Variants in RTN1 observed in about 807,000 individuals in gnomAD.
RTN1 encodes reticulon 1.
In RTN1, 25 loss-of-function variants were observed where a neutral mutation model predicts 65.5. That is an observed-to-expected ratio of 0.38 (90% CI 0.28 to 0.53). The LOEUF is 0.53. Among genes scored for constraint, RTN1 ranks in the 20% least tolerant of loss-of-function variants. The pLI is 0.79. For synonymous variants in RTN1, 471 were observed against 447.6 expected (o/e 1.05, Z -0.66); for missense variants, 983 against 1,025.4 (o/e 0.96, Z 0.57).
chr14:59,655,694 A>C (rs1323198951), intron 3 of RTN1, among the ~76,000 whole-genome samples: 1 of 152,216 alleles, frequency 6.6e-6, no homozygotes, highest in Non-Finnish European at 1.5e-5. Flanking sequence ...CTGATTTTTA[A>C]CAAGGGTGCC....
intron 1 of RTN1, among the ~76,000 whole-genome samples, chr14:59,839,782 T>TTC (rs1431172294): frequency 1.3e-5 from 2 of 151,878 alleles, no homozygotes; most frequent in Non-Finnish European, 2.9e-5. Context: ...GTGTTTTTTT[T>TTC]TCTCTCTCTA....
At chr14:59,716,159 T>C (rs982649237) in intron 3 of RTN1, among the ~76,000 whole-genome samples, 2 of 152,220 alleles carry the variant, frequency 1.3e-5, no homozygotes, top group Non-Finnish European at 2.9e-5. Flanking sequence ...ATCTTAAATC[T>C]CCAAATTCTA....
chr14:59,870,689 C>T lies in RTN1; in HGVS notation c.-59G>A, dbSNP rs2139686090. 3 of 1,307,716 alleles carry T rather than the reference C, an allele frequency of 2.3e-6. No individual in the cohort carries two copies. Among genetic ancestry groups the T allele is most frequent in the Non-Finnish European group, 1.9e-6 (2 of 1,035,956 alleles). The allele number at this position is 1,307,716 out of a possible 1,614,324, so 81.0% of individuals were successfully genotyped here. A position where few individuals can be genotyped will look rare whatever the true frequency, so the allele number is the denominator to read the frequency against. On this transcript the variant is annotated 5_prime_UTR_variant, in exon 1 of 9. Coordinates refer to ENST00000267484, the MANE Select transcript of RTN1 (RefSeq NM_021136.3). This position sits in a 1 kb window ranked among gnomAD's most constrained non-coding sequence, Gnocchi z 5.1. Reference sequence around the variant, plus strand: ...TGGCTGGGCAGAGGCTCGGTGGCTGCGCGGGCGCTCCCTGCTGCTGTCCCC... The same window carrying T: ...TGGCTGGGCAGAGGCTCGGTGGCTGTGCGGGCGCTCCCTGCTGCTGTCCCC...
At position 59,727,481 on chromosome 14, in the gene RTN1, G is replaced by A. The variant is rs561042385; in HGVS notation, c.1203C>T (p.His401=). 335 of 1,582,368 alleles carry A rather than the reference G, an allele frequency of 2.1e-4. 3 individuals carry two copies. In the South Asian group the frequency reaches 3.3e-3, roughly 16 times the overall value. Residue 401 remains histidine (H), a synonymous_variant, in exon 3 of 9, where the codon CAC becomes CAT. Coordinates refer to ENST00000267484, the MANE Select transcript of RTN1 (RefSeq NM_021136.3). The surrounding 1 kb of genome is among the most constrained non-coding windows in gnomAD (Gnocchi z 4.2). ...GPPTIPSPLD[H]EASSAESGDS... is the part of the protein sequence containing the mutation. ...CCCCCGACTCCGCGCTGCTGGCCTC[G>A]TGGTCCAGGGGGCTGGGGATGGTTG...
chr14:59,755,389 G>C (rs1197012343), intron 1 of RTN1, among the ~76,000 whole-genome samples: 1 of 152,118 alleles, frequency 6.6e-6, no homozygotes, highest in Non-Finnish European at 1.5e-5. Context: ...ATAAAAAACT[G>C]TAATGACAGT....
At chr14:59,714,639 TG>T (rs1422586836) in intron 3 of RTN1, among the ~76,000 whole-genome samples, 1 of 152,186 alleles carries the variant, frequency 6.6e-6, no homozygotes, top group Non-Finnish European at 1.5e-5. Flanking sequence ...GAGCTTCACC[TG>T]GCTGCAAGGA....
rs118160510 is a variant in RTN1 at position 59,825,579 on chromosome 14, T to C, written c.241+44811A>G. Among the ~76,000 whole-genome samples the C allele has an allele frequency of 3.7e-3, 570 of 152,358 alleles. 17 individuals are homozygous for C. The East Asian group carries it at 0.059, about 16-fold the overall frequency. Reference sequence around the variant, plus strand: ...TGTCCTGGCTTTCTGGACTTCCAGCTGGCCACAGCAGGGCCTTCTCCCAGA... The same window carrying C: ...TGTCCTGGCTTTCTGGACTTCCAGCCGGCCACAGCAGGGCCTTCTCCCAGA... On this transcript the variant is annotated intron_variant, in intron 1 of 8. Coordinates refer to ENST00000267484, the MANE Select transcript of RTN1 (RefSeq NM_021136.3). This position sits in a 1 kb window ranked among gnomAD's most constrained non-coding sequence, Gnocchi z 4.2.
At chr14:59,601,324 C>A (rs1243803583) in intron 8 of RTN1, among the ~76,000 whole-genome samples, 1 of 149,834 alleles carries the variant, frequency 6.7e-6, no homozygotes, top group Non-Finnish European at 1.5e-5. Context: ...AGGTTGAATG[C>A]CACCTTATCT....
chr14:59,669,443 C>T (rs897707512), intron 3 of RTN1, among the ~76,000 whole-genome samples: 8 of 151,124 alleles, frequency 5.3e-5, no homozygotes, highest in South Asian at 2.1e-4. Flanking sequence ...CATCATACAC[C>T]GGGGCCTGTC....
At position 59,858,749 on chromosome 14, in the gene RTN1, C is replaced by A. The variant is rs1594769990; in HGVS notation, c.241+11641G>T. 5.9e-5 allele frequency among the ~76,000 whole-genome samples: 9 copies of A among 152,182 alleles called. No homozygotes were observed. In the South Asian group the frequency reaches 1.9e-3, roughly 32 times the overall value. On this transcript the variant is annotated intron_variant, in intron 1 of 8. Transcript: ENST00000267484. ...CAATGAATAATCTTCCATAAATATA[C>A]AGATAGTGAGGCAGAGAAAGAAGGA... is the stretch of plus-strand genomic sequence containing the variant.
At chr14:59,853,850 T>C (rs1484138680) in intron 1 of RTN1, among the ~76,000 whole-genome samples, 1 of 151,060 alleles carries the variant, frequency 6.6e-6, no homozygotes, top group African/African-American at 2.4e-5. Flanking sequence ...CAATTATCCC[T>C]ATTAAACTTT....
At chr14:59,728,587 C>G (rs1376183626) in intron 2 of RTN1, among the ~76,000 whole-genome samples, 1 of 152,118 alleles carries the variant, frequency 6.6e-6, no homozygotes, top group African/African-American at 2.4e-5. Context: ...GTTCAAGAGT[C>G]TCGTTTTCCC....
intron 2 of RTN1, 110 bp downstream of exon 2, chr14:59,745,598 C>T: frequency 2.2e-6 from 2 of 902,536 alleles, no homozygotes; most frequent in East Asian, 2.5e-5. Flanking sequence ...TTAAGGGGTC[C>T]AGATAGTAAA....
Position 59,826,200 on chromosome 14 carries a change from G to A in RTN1, c.241+44190C>T, listed in dbSNP as rs114706497. On this transcript the variant is annotated intron_variant, in intron 1 of 8. Coordinates refer to ENST00000267484, the MANE Select transcript of RTN1 (RefSeq NM_021136.3). Reference sequence around the variant, plus strand: ...AGACTAATGATCTCAGTACTTTTCAGCATGATCCTATGAAGTGCATTTGTA... The same window carrying A: ...AGACTAATGATCTCAGTACTTTTCAACATGATCCTATGAAGTGCATTTGTA... Among the ~76,000 whole-genome samples, 186 of 152,286 alleles carry A rather than the reference G, an allele frequency of 1.2e-3. 2 individuals are homozygous for A. The highest frequency in any genetic ancestry group is 4.4e-3 in the African/African-American group (182 of 41,564).
intron 4 of RTN1, among the ~76,000 whole-genome samples, chr14:59,606,918 T>C (rs1351022878): frequency 6.6e-6 from 1 of 152,214 alleles, no homozygotes; most frequent in African/African-American, 2.4e-5. Flanking sequence ...ACTGGCCACC[T>C]GGCCTTGAGC....
At chr14:59,798,271 T>A (rs1886475706) in intron 1 of RTN1, among the ~76,000 whole-genome samples, 1 of 152,176 alleles carries the variant, frequency 6.6e-6, no homozygotes, top group African/African-American at 2.4e-5. Context: ...CAGATATAGC[T>A]CACCACTGAC....
intron 1 of RTN1, among the ~76,000 whole-genome samples, chr14:59,770,765 A>C (rs1470311508): frequency 1.3e-5 from 2 of 152,166 alleles, no homozygotes; most frequent in Non-Finnish European, 1.5e-5. Context: ...TTATTTAAGA[A>C]TTCTGTTGGC....
At chr14:59,731,468 A>G (rs1884895420) in intron 2 of RTN1, among the ~76,000 whole-genome samples, 1 of 152,224 alleles carries the variant, frequency 6.6e-6, no homozygotes. Context: ...ATGTACATTT[A>G]AATGAATTGT....
chr14:59,847,692 AC>A (rs1887434275), intron 1 of RTN1, among the ~76,000 whole-genome samples: 1 of 152,242 alleles, frequency 6.6e-6, no homozygotes, highest in South Asian at 2.1e-4. Context: ...ATCAAGTTCG[AC>A]TTCCCACTTA....
Sources: allele counts gnomAD v4.1 joint callset (sites outside exome capture counted in the v4.1 genomes callset), GRCh38; gene constraint gnomAD v4.1.1; non-coding constraint Gnocchi (gnomAD v3.1); transcripts MANE v1.5; gene names NCBI Gene and HGNC (gene_info 2026-07-23, HGNC 2026-07-21).